BDP1: variants seen among roughly 807,000 people sequenced by gnomAD.
BDP1 encodes the protein BDP1 general transcription factor IIIB subunit, also known as transcription factor TFIIIB component B'' homolog.
BDP1 carries 169 observed loss-of-function variants against 266.6 expected under a neutral mutation model. That is an observed-to-expected ratio of 0.63 (90% CI 0.56 to 0.72). The LOEUF (loss-of-function observed/expected upper bound fraction) is 0.72, where lower values mean the gene tolerates loss of function less well. Among genes scored for constraint, BDP1 ranks in the 30% least tolerant of loss-of-function variants. BDP1 has a pLI of 0.00. For missense variants in BDP1, 3,015 were observed against 3,053.8 expected, an observed-to-expected ratio of 0.99 and a Z score of 0.30; for synonymous variants, 1,090 against 1,022.4, an observed-to-expected ratio of 1.07 and a Z score of -1.26.
intron 13 of BDP1, among the ~76,000 whole-genome samples, chr5:71,499,010 G>A (rs1764067338): frequency 6.6e-6 from 1 of 151,614 alleles, no homozygotes; most frequent in Admixed American, 6.6e-5. Flanking sequence ...AGGCATGAGG[G>A]CACCATGCCT....
chr5:71,556,374 A>G (rs570794939), intron 35 of BDP1, among the ~76,000 whole-genome samples: 4 of 152,202 alleles, frequency 2.6e-5, no homozygotes, highest in Admixed American at 6.5e-5. Context: ...TAATAGGAGA[A>G]CTTCCAGTGT....
At chr5:71,476,177 GA>G (rs1373289268) in intron 7 of BDP1, 2 of 153,548 alleles carry the variant, frequency 1.3e-5, no homozygotes, top group Non-Finnish European at 1.5e-5. Context: ...GCAGCTTTGA[GA>G]AAACACATCT....
chr5:71,508,704 A>T (rs1764727056), intron 16 of BDP1, among the ~76,000 whole-genome samples: 2 of 152,114 alleles, frequency 1.3e-5, no homozygotes, highest in Non-Finnish European at 2.9e-5. Flanking sequence ...AACTTTTCCT[A>T]ACCAGTCATT....
chr5:71,545,444 G>T (rs1742214457), intron 32 of BDP1: 4 of 511,118 alleles, frequency 7.8e-6, no homozygotes, highest in East Asian at 3.6e-5. Context: ...AGATTCTCCT[G>T]CCTCAGCCTG....
intron 18 of BDP1, 29 bp downstream of exon 18, chr5:71,512,457 A>G: frequency 2.1e-6 from 3 of 1,409,880 alleles, no homozygotes; most frequent in South Asian, 3.2e-5. Flanking sequence ...AGAAAAAGAT[A>G]TTAAGTTATA....
At chr5:71,514,014 C>T (rs1765090354) in intron 19 of BDP1, among the ~76,000 whole-genome samples, 1 of 151,936 alleles carries the variant, frequency 6.6e-6, no homozygotes, top group Admixed American at 6.6e-5. Context: ...GCCGTGGCGC[C>T]CAGCGAGAAT....
At chr5:71,457,202 A>G (rs964607781) in intron 1 of BDP1, among the ~76,000 whole-genome samples, 1 of 150,988 alleles carries the variant, frequency 6.6e-6, no homozygotes, top group Admixed American at 6.6e-5. Context: ...TGAGATATTT[A>G]TGGTCAAGGA....
Position 71,524,136 on chromosome 5 carries a change from A to G in BDP1, c.5585A>G (p.Lys1862Arg). ...TCTAAGAAGGAACCTAGAGCTTCCA[A>G]GGCCATGCTGGTGACTCTTCGGGCT... is the stretch of plus-strand genomic sequence containing the variant. ...KTSKKEPRAS[K>R]AMLVTLRASQ... is the part of the protein sequence containing the mutation. The change falls in exon 25 of 39, where the codon AAG becomes AGG. Residue 1862 changes from lysine (K) to arginine (R), a missense_variant. By Grantham distance (26) the Lys-to-Arg change is conservative. Transcript: ENST00000358731. The G allele has an allele frequency of 6.2e-7, 1 of 1,614,200 alleles. No individual in the cohort carries two copies. Among genetic ancestry groups the G allele is most frequent in the Non-Finnish European group, 8.5e-7 (1 of 1,180,048 alleles).
intron 32 of BDP1, 26 bp from the exon 33 acceptor site, chr5:71,548,654 ACT>A: frequency 6.7e-7 from 1 of 1,483,268 alleles, no homozygotes; most frequent in East Asian, 2.3e-5. Context: ...GGCCAACCTG[ACT>A]CTTTCATTTT....
intron 38 of BDP1, 52 bp downstream of exon 38, chr5:71,562,572 A>G: frequency 6.4e-7 from 1 of 1,565,844 alleles, no homozygotes; most frequent in African/African-American, 1.4e-5. Flanking sequence ...GTTGGATATG[A>G]GATTCAACTA....
chr5:71,567,978 C>CA (rs1744127444), downstream of BDP1, among the ~76,000 whole-genome samples: 1 of 151,846 alleles, frequency 6.6e-6, no homozygotes. Flanking sequence ...CTCATCTCTA[C>CA]AAAAAAATTA....
chr5:71,549,333 A>AT, intron 33 of BDP1, 87 bp from the exon 34 acceptor site: 1 of 1,092,524 alleles, frequency 9.2e-7, no homozygotes, highest in Non-Finnish European at 1.3e-6. Context: ...TTGTCCTGAG[A>AT]CTGTCTTTTT....
At position 71,522,418 on chromosome 5, in the gene BDP1, T is replaced by TC; in HGVS notation, c.5122dup (p.Gln1708ProfsTer28). 6.2e-7 allele frequency: 1 copy of TC among 1,612,004 alleles called. No homozygotes were observed. Among genetic ancestry groups the TC allele is most frequent in the Non-Finnish European group, 8.5e-7 (1 of 1,179,698 alleles). On this transcript the variant is annotated frameshift_variant, in exon 23 of 39. Coordinates refer to ENST00000358731, the MANE Select transcript of BDP1 (RefSeq NM_018429.3). LOFTEE classifies it high-confidence loss of function. ...CAGTTTTAGAAAAAGTCACAACAGATCAGAGCAAGGAAGGCAAGCCAGAAG... is the reference window on the plus strand; with the variant it reads ...CAGTTTTAGAAAAAGTCACAACAGATCCAGAGCAAGGAAGGCAAGCCAGAAG...
chr5:71,540,576 T>C (rs6453013), intron 28 of BDP1, among the ~76,000 whole-genome samples: 123,273 of 152,128 alleles, frequency 0.81, 50,192 homozygotes, highest in East Asian at 0.88. Flanking sequence ...GATCCACCCG[T>C]CTTGGCCTCC....
rs1742203022 is a variant in BDP1 at position 71,545,307 on chromosome 5, C to A, written c.6744+88C>A. 4.3e-6 allele frequency: 5 copies of A among 1,168,150 alleles called. No individual in the cohort carries two copies. The African/African-American group carries it at 6.4e-5, about 15-fold the overall frequency. 72.4% of individuals were successfully genotyped at this position (1,168,150 alleles called of 1,614,324 possible). On this transcript the variant is annotated intron_variant, in intron 32 of 38. Coordinates refer to ENST00000358731, the MANE Select transcript of BDP1 (RefSeq NM_018429.3). ...GGTATAATTTACATACAATAAACTT[C>A]ACCTCTTTTATCTTCATTTTTCTTT...
At chr5:71,575,445 G>C in the BDP1 span, among the ~76,000 whole-genome samples, 2 of 152,166 alleles carry the variant, frequency 1.3e-5, no homozygotes, top group African/African-American at 4.8e-5. Context: ...ATTGGATGCA[G>C]GACACATAGA....
chr5:71,548,651 C>G, intron 32 of BDP1, 31 bp from the exon 33 acceptor site: 3 of 1,474,082 alleles, frequency 2.0e-6, no homozygotes, highest in Non-Finnish European at 2.8e-6. Flanking sequence ...TTTGGCCAAC[C>G]TGACTCTTTC....
chr5:71,491,706 CTTTG>C (rs1561702615), intron 11 of BDP1, among the ~76,000 whole-genome samples: 3 of 151,910 alleles, frequency 2.0e-5, no homozygotes, highest in Non-Finnish European at 4.4e-5. Flanking sequence ...ATGATTCTTT[CTTTG>C]TTTTGTTTTG....
intron 30 of BDP1, among the ~76,000 whole-genome samples, chr5:71,543,670 A>G (rs1013930185): frequency 6.6e-6 from 1 of 152,234 alleles, no homozygotes; most frequent in Non-Finnish European, 1.5e-5. Context: ...AGTTTATGTC[A>G]TCTGTTTACA....
Sources: allele counts gnomAD v4.1 joint callset (sites outside exome capture counted in the v4.1 genomes callset), GRCh38; gene constraint gnomAD v4.1.1; transcripts MANE v1.5; gene names NCBI Gene and HGNC (gene_info 2026-07-23, HGNC 2026-07-21).